BPTF: variants seen among roughly 807,000 people sequenced by gnomAD.
The protein encoded by BPTF is nucleosome-remodeling factor subunit BPTF.
Under a neutral mutation model 292.5 loss-of-function variants are expected in BPTF, and 18 were observed. The ratio of observed to expected loss-of-function variants is 0.06; its 90% confidence interval spans 0.04 to 0.09. The LOEUF is 0.09. Ranked by LOEUF, BPTF falls within the 10% of genes least tolerant of loss-of-function variation. The probability of loss-of-function intolerance (pLI) is 1.00; values close to 1 mark genes in which losing one functional copy is unlikely to be tolerated. For missense variants in BPTF, 2,726 were observed against 3,498.7 expected, an observed-to-expected ratio of 0.78 and a Z score of 5.57; for synonymous variants, 1,225 against 1,251.9, an observed-to-expected ratio of 0.98 and a Z score of 0.45.
intron 1 of BPTF, among the ~76,000 whole-genome samples, chr17:67,828,412 G>A (rs1380009427): frequency 2.0e-5 from 3 of 152,188 alleles, no homozygotes; most frequent in African/African-American, 7.2e-5. Context: ...AGTCCTATTC[G>A]AAGGCATAGC....
intron 1 of BPTF, among the ~76,000 whole-genome samples, chr17:67,837,580 T>G (rs968571920): frequency 2.0e-5 from 3 of 152,146 alleles, no homozygotes; most frequent in African/African-American, 7.2e-5. Flanking sequence ...GCTAATTTTT[T>G]TGTATTTTTA....
At chr17:67,970,944 T>TA (rs1222742300) in intron 26 of BPTF, among the ~76,000 whole-genome samples, 7 of 152,238 alleles carry the variant, frequency 4.6e-5, no homozygotes, top group African/African-American at 1.4e-4. Context: ...TGAAAGGGTC[T>TA]AAGTACATTT....
chr17:67,874,781 T>C (rs773906752), intron 3 of BPTF, 36 bp from the exon 4 acceptor site: 2 of 1,418,174 alleles, frequency 1.4e-6, no homozygotes, highest in East Asian at 2.3e-5. Flanking sequence ...TGGTTATATA[T>C]AGGAATAATT....
In BPTF at chr17:67,945,843, C is replaced by G; in HGVS notation, c.7135C>G (p.Pro2379Ala). 2 of 1,614,216 alleles carry G rather than the reference C, an allele frequency of 1.2e-6. No homozygotes were observed. Among genetic ancestry groups the G allele is most frequent in the Non-Finnish European group, 1.7e-6 (2 of 1,180,040 alleles). ...AACCTCACAACCGATTCCAATTCAA[C>G]CACATACATCTCTTCAGATACCTTC... is the stretch of plus-strand genomic sequence containing the variant. ...TTTSQPIPIQ[P>A]HTSLQIPSQG... Residue 2379 changes from proline (P) to alanine (A), a missense_variant, in exon 21 of 28, where the codon CCA (proline) becomes GCA (alanine). This residue lies in a region of BPTF where 570 missense variants were observed against 633.5 expected (regional missense o/e 0.90). Coordinates refer to ENST00000306378, the MANE Select transcript of BPTF (RefSeq NM_182641.4).
At chr17:67,961,015 C>G (rs2067431911) in intron 24 of BPTF, among the ~76,000 whole-genome samples, 2 of 151,944 alleles carry the variant, frequency 1.3e-5, no homozygotes, top group Admixed American at 1.3e-4. Context: ...TTTTTTTTTA[C>G]TTTAGTTTAA....
intron 7 of BPTF, 61 bp downstream of exon 7, chr17:67,894,226 T>G: frequency 6.6e-7 from 1 of 1,510,818 alleles, no homozygotes; most frequent in Non-Finnish European, 9.0e-7. Context: ...AATACTAGCC[T>G]ATTAATAATG....
At chr17:67,924,311 C>T (rs1310672495) in intron 14 of BPTF, among the ~76,000 whole-genome samples, 1 of 152,112 alleles carries the variant, frequency 6.6e-6, no homozygotes, top group Non-Finnish European at 1.5e-5. Context: ...GACAGGGTTT[C>T]ACCATGTTGG....
chr17:67,871,548 T>G (rs981823078), intron 3 of BPTF, among the ~76,000 whole-genome samples: 9 of 152,140 alleles, frequency 5.9e-5, no homozygotes, highest in African/African-American at 2.2e-4. Context: ...ATTTGCTTTA[T>G]CCTATGCCTG....
At chr17:67,881,686 T>G (rs2060416967) in intron 4 of BPTF, among the ~76,000 whole-genome samples, 1 of 151,500 alleles carries the variant, frequency 6.6e-6, no homozygotes, top group Non-Finnish European at 1.5e-5. Context: ...GTATTTATAG[T>G]AGAGATGGGG....
At chr17:67,850,766 T>C (rs1028801411) in intron 1 of BPTF, among the ~76,000 whole-genome samples, 2 of 152,226 alleles carry the variant, frequency 1.3e-5, no homozygotes, top group Non-Finnish European at 2.9e-5. Context: ...AGCCACAATT[T>C]GACTGTTTTC....
At chr17:67,975,633 A>G (rs1457167492) in intron 26 of BPTF, 139 bp from the exon 27 acceptor site, 2 of 615,872 alleles carry the variant, frequency 3.2e-6, no homozygotes, top group East Asian at 6.3e-5. Context: ...TATGAATTGC[A>G]AAATAACCTC....
rs138533941 is a variant in BPTF at position 67,914,176 on chromosome 17, G to A, written c.5303+989G>A. ...CCGTTTTCATTTCCCCTTAGGCTTC[G>A]TTTTTGTGTGTCTTTTAATATTTTT... On this transcript the variant is annotated intron_variant, in intron 11 of 27. Coordinates refer to ENST00000306378, the MANE Select transcript of BPTF (RefSeq NM_182641.4). Among the ~76,000 whole-genome samples, 9 of 152,014 alleles carry A rather than the reference G, an allele frequency of 5.9e-5. No homozygotes were observed. In the East Asian group the frequency reaches 1.7e-3, roughly 29 times the overall value.
intron 1 of BPTF, among the ~76,000 whole-genome samples, chr17:67,845,701 G>T (rs1047278198): frequency 2.0e-5 from 3 of 152,042 alleles, no homozygotes; most frequent in African/African-American, 4.8e-5. Flanking sequence ...TTGAGCCCAG[G>T]AGGTGAGGCT....
At chr17:67,966,544 CAAT>C (rs782503292) in intron 25 of BPTF, 25 bp from the exon 26 acceptor site, 1 of 1,595,300 alleles carries the variant, frequency 6.3e-7, no homozygotes, top group East Asian at 2.2e-5. Flanking sequence ...TTTTCACTGA[CAAT>C]AATGATGCTG....
chr17:67,874,811 T>C lies in BPTF; in HGVS notation c.1661-6T>C. On this transcript the variant is annotated splice_polypyrimidine_tract_variant and splice_region_variant and intron_variant, in intron 3 of 27. Transcript: ENST00000306378. ...ATAATTTTTTTGTTTGTTTTACACATTATAGAAGAAATTTTGGAATCCATA... is the reference window on the plus strand; with the variant it reads ...ATAATTTTTTTGTTTGTTTTACACACTATAGAAGAAATTTTGGAATCCATA... 1 of 1,597,416 alleles carries C rather than the reference T, an allele frequency of 6.3e-7. No homozygotes were observed.
chr17:67,895,661 T>C (rs541908427), intron 7 of BPTF, among the ~76,000 whole-genome samples: 1 of 152,004 alleles, frequency 6.6e-6, no homozygotes. Flanking sequence ...CGGGGTCTCA[T>C]TATGTTGCCC....
chr17:67,869,542 A>G (rs2059582675), intron 3 of BPTF, among the ~76,000 whole-genome samples: 1 of 152,226 alleles, frequency 6.6e-6, no homozygotes, highest in African/African-American at 2.4e-5. Flanking sequence ...CTTCCTCTAA[A>G]TAACCAACTG....
intron 3 of BPTF, among the ~76,000 whole-genome samples, chr17:67,874,029 T>TGGATGG (rs398119969): frequency 6.6e-6 from 1 of 152,014 alleles, no homozygotes; most frequent in African/African-American, 2.4e-5. Flanking sequence ...GATGGATGGA[T>TGGATGG]ATGTGTCAAA....
At chr17:67,976,692 A>AT (rs1568232343) in intron 27 of BPTF, among the ~76,000 whole-genome samples, 17 of 42,196 alleles carry the variant, frequency 4.0e-4, no homozygotes, top group East Asian at 2.5e-3. Flanking sequence ...TCTCAAAAAA[A>AT]AAAAAAAAAA....
Sources: allele counts gnomAD v4.1 joint callset (sites outside exome capture counted in the v4.1 genomes callset), GRCh38; gene constraint gnomAD v4.1.1; regional missense constraint gnomAD v4.1.1; transcripts MANE v1.5; gene names NCBI Gene and HGNC (gene_info 2026-07-23, HGNC 2026-07-21).